The following ROBO2 variants were observed in gnomAD, a reference collection of about 807,000 sequenced individuals.
The protein encoded by ROBO2 is roundabout guidance receptor 2.
ROBO2 carries 53 observed loss-of-function variants against 160.8 expected under a neutral mutation model. The ratio of observed to expected loss-of-function variants is 0.33; its 90% CI spans 0.26 to 0.41. ROBO2 has a LOEUF of 0.41. Among genes scored for constraint, ROBO2 ranks in the 10% least tolerant of loss-of-function variants. The pLI is 1.00. For synonymous variants in ROBO2, 664 were observed against 611.7 expected (o/e 1.09, Z -1.26); for missense variants, 1,577 against 1,722.4 (o/e 0.92, Z 1.49).
chr3:76,697,012 A>T (rs913136029), intron 2 of ROBO2, among the ~76,000 whole-genome samples: 2 of 152,166 alleles, frequency 1.3e-5, no homozygotes, highest in Admixed American at 6.6e-5. Flanking sequence ...TTTATGTATA[A>T]TTTGAGATAT....
intron 2 of ROBO2, among the ~76,000 whole-genome samples, chr3:76,751,602 C>A (rs924172376): frequency 2.0e-5 from 3 of 152,006 alleles, no homozygotes; most frequent in Non-Finnish European, 4.4e-5. Context: ...AAGAGAAAAT[C>A]AAACAACCCC....
intron 2 of ROBO2, among the ~76,000 whole-genome samples, chr3:76,436,683 GA>G (rs2076699581): frequency 2.0e-5 from 3 of 151,248 alleles, no homozygotes. Context: ...AACTTGAAAA[GA>G]AAAAAGAAAA....
chr3:76,131,154 T>G (rs545013342), intron 2 of ROBO2, among the ~76,000 whole-genome samples: 2 of 152,318 alleles, frequency 1.3e-5, no homozygotes, highest in African/African-American at 4.8e-5. Context: ...AAAAGTAGTT[T>G]TCACTATTCC....
chr3:77,463,624 A>T (rs1297002931), intron 2 of ROBO2, among the ~76,000 whole-genome samples: 1 of 152,046 alleles, frequency 6.6e-6, no homozygotes, highest in East Asian at 1.9e-4. Flanking sequence ...TCTGTTGCCC[A>T]GACTGGAGTG....
chr3:76,097,676 A>T (rs892116372), intron 2 of ROBO2, among the ~76,000 whole-genome samples: 1 of 152,148 alleles, frequency 6.6e-6, no homozygotes, highest in Non-Finnish European at 1.5e-5. Context: ...GGGACATTTT[A>T]AAAAATATGT....
At chr3:76,980,947 C>T (rs1578018058) in intron 2 of ROBO2, among the ~76,000 whole-genome samples, 1 of 152,018 alleles carries the variant, frequency 6.6e-6, no homozygotes, top group Non-Finnish European at 1.5e-5. Flanking sequence ...TCATCTTGTC[C>T]TTTATCACTG....
chr3:77,644,862 T>G, exon 25 of ROBO2: 1 of 1,614,064 alleles, frequency 6.2e-7, no homozygotes, highest in Non-Finnish European at 8.5e-7. Flanking sequence ...TGACATAGGA[T>G]ATATGGGCTC....
At chr3:76,686,384 C>A (rs1406980999) in intron 2 of ROBO2, among the ~76,000 whole-genome samples, 6 of 152,054 alleles carry the variant, frequency 3.9e-5, no homozygotes, top group African/African-American at 1.4e-4. Context: ...AGATAAATTA[C>A]TTAAAAAGAA....
At chr3:77,542,669 T>C (rs2092524530) in intron 6 of ROBO2, among the ~76,000 whole-genome samples, 1 of 152,192 alleles carries the variant, frequency 6.6e-6, no homozygotes, top group Admixed American at 6.5e-5. Context: ...TGGTAAATAT[T>C]ATGTTTTGAT....
At chr3:76,910,738 A>G (rs1295518010) in intron 2 of ROBO2, among the ~76,000 whole-genome samples, 1 of 148,664 alleles carries the variant, frequency 6.7e-6, no homozygotes, top group Non-Finnish European at 1.5e-5. Flanking sequence ...AAAAAAAAAA[A>G]AAAAAAGAAA....
intron 2 of ROBO2, among the ~76,000 whole-genome samples, chr3:77,155,038 T>C (rs2077880210): frequency 6.6e-6 from 1 of 151,772 alleles, no homozygotes; most frequent in South Asian, 2.1e-4. Flanking sequence ...TAAATATTCA[T>C]TTTTAAATTT....
chr3:76,117,871 G>T (rs922850162), intron 2 of ROBO2, among the ~76,000 whole-genome samples: 3 of 152,170 alleles, frequency 2.0e-5, no homozygotes, highest in African/African-American at 4.8e-5. Flanking sequence ...GAGAGAACTG[G>T]CATCGTCTCA....
chr3:77,222,055 G>A (rs1160457396), intron 2 of ROBO2, among the ~76,000 whole-genome samples: 1 of 151,738 alleles, frequency 6.6e-6, no homozygotes, highest in Non-Finnish European at 1.5e-5. Flanking sequence ...GTTTCACCAT[G>A]TTGGCCAGGA....
chr3:76,425,252 C>T (rs2076165484), intron 2 of ROBO2, among the ~76,000 whole-genome samples: 1 of 151,910 alleles, frequency 6.6e-6, no homozygotes, highest in Non-Finnish European at 1.5e-5. Flanking sequence ...TGCCTTCTGA[C>T]TTTCCCAAAT....
intron 2 of ROBO2, among the ~76,000 whole-genome samples, chr3:76,654,297 A>ACC: frequency 6.6e-6 from 1 of 152,282 alleles, no homozygotes; most frequent in East Asian, 1.9e-4. Context: ...CAAAAAAGTT[A>ACC]TTATTTTCTT....
At chr3:76,998,787 G>C (rs960771460) in intron 2 of ROBO2, among the ~76,000 whole-genome samples, 1 of 152,096 alleles carries the variant, frequency 6.6e-6, no homozygotes, top group African/African-American at 2.4e-5. Flanking sequence ...CTCTGGAAAG[G>C]TTGAATTAAG....
chr3:76,439,753 G>A lies in ROBO2; in HGVS notation c.109+502151G>A, dbSNP rs113126148. Among the ~76,000 whole-genome samples the A allele has an allele frequency of 4.7e-4, 71 of 152,252 alleles. 1 individual carries two copies. Among genetic ancestry groups the A allele is most frequent in the African/African-American group, 1.4e-3 (58 of 41,542 alleles). On this transcript the variant is annotated intron_variant, in intron 2 of 26. Coordinates refer to the ROBO2 transcript ENST00000487694. ...TATCTTAGGTCTATTTTTAATATCT[G>A]CCTGTCAATGCATGATGAAAGAGTG...
chr3:76,422,850 A>G (rs2076050115), intron 2 of ROBO2, among the ~76,000 whole-genome samples: 1 of 152,188 alleles, frequency 6.6e-6, no homozygotes, highest in Non-Finnish European at 1.5e-5. Context: ...CGAAGGAGAA[A>G]TGGGTGATAA....
At chr3:76,893,141 T>C (rs926592082) in intron 2 of ROBO2, among the ~76,000 whole-genome samples, 1 of 152,128 alleles carries the variant, frequency 6.6e-6, no homozygotes, top group African/African-American at 2.4e-5. Flanking sequence ...AAATATACGG[T>C]ACGCATTATC....
Sources: gnomAD v4.1 joint callset for allele counts (sites outside exome capture counted in the v4.1 genomes callset) on GRCh38, gnomAD v4.1.1 for gene constraint, MANE v1.5 for transcripts, NCBI Gene and HGNC (gene_info 2026-07-23, HGNC 2026-07-21) for gene names.